PDE1C: variants seen among roughly 807,000 people sequenced by gnomAD.
The protein encoded by PDE1C is dual specificity calcium/calmodulin-dependent 3',5'-cyclic nucleotide phosphodiesterase 1C.
PDE1C carries 62 observed loss-of-function variants against 93.1 expected under a neutral mutation model. The observed-to-expected ratio is 0.67, with a 90% confidence interval of 0.54 to 0.82. The LOEUF (loss-of-function observed/expected upper bound fraction) is 0.82, where lower values mean the gene tolerates loss of function less well. Among genes scored for constraint, PDE1C ranks in the 40% least tolerant of loss-of-function variants. The pLI, the probability that PDE1C is intolerant of heterozygous loss-of-function variation, is 0.00. For synonymous variants in PDE1C, 325 were observed against 310.1 expected, an observed-to-expected ratio of 1.05 and a Z score of -0.50; for missense variants, 742 against 884.6, an observed-to-expected ratio of 0.84 and a Z score of 2.04.
intron 2 of PDE1C, among the ~76,000 whole-genome samples, chr7:32,021,512 G>A (rs1298164918): frequency 6.6e-6 from 1 of 152,078 alleles, no homozygotes; most frequent in Non-Finnish European, 1.5e-5. Context: ...CTCAGTCATA[G>A]AACAATTTAC....
intron 2 of PDE1C, among the ~76,000 whole-genome samples, chr7:32,200,200 C>T (rs1804909164): frequency 6.6e-6 from 1 of 152,120 alleles, no homozygotes; most frequent in Admixed American, 6.5e-5. Flanking sequence ...ACTGCTGCCT[C>T]TTATAGGTTT....
intron 1 of PDE1C, among the ~76,000 whole-genome samples, chr7:32,270,448 G>C (rs983345403): frequency 1.3e-5 from 2 of 152,192 alleles, no homozygotes; most frequent in Non-Finnish European, 1.5e-5. Flanking sequence ...AATATAAAAG[G>C]CTTCTCAGGA....
chr7:31,698,800 A>G, the PDE1C span, among the ~76,000 whole-genome samples: 7 of 152,214 alleles, frequency 4.6e-5, no homozygotes, highest in African/African-American at 1.7e-4. Context: ...TAGATTTCCA[A>G]GGTGCACAGG....
At chr7:32,301,521 C>T (rs543737716), upstream of PDE1C, among the ~76,000 whole-genome samples, 28 of 152,258 alleles carry the variant, frequency 1.8e-4, no homozygotes, top group Admixed American at 1.5e-3. Context: ...ACTGCTTCTC[C>T]CCAGAATCAT....
At position 32,298,981 on chromosome 7, in the gene PDE1C, C is replaced by A. The variant is rs867909898; in HGVS notation, c.-246G>T. On this transcript the variant is annotated 5_prime_UTR_variant, in exon 1 of 19. Transcript: ENST00000396193. ...CCGTCGCGACTGCCCCATCTCCAAGCCGAGTTCCAGAGGCGGCGAGAGGAG... is the reference window on the plus strand; with the variant it reads ...CCGTCGCGACTGCCCCATCTCCAAGACGAGTTCCAGAGGCGGCGAGAGGAG... The A allele has an allele frequency of 4.5e-5, 58 of 1,283,980 alleles. 4 individuals carry two copies. The Middle Eastern group carries it at 9.1e-4, about 20-fold the overall frequency. The allele number at this position is 1,283,980 out of a possible 1,614,324, so 79.5% of individuals were successfully genotyped here.
chr7:31,622,154 T>C, the PDE1C span, among the ~76,000 whole-genome samples: 2 of 135,702 alleles, frequency 1.5e-5, no homozygotes, highest in Non-Finnish European at 3.2e-5. Flanking sequence ...ACATTAATAA[T>C]GGGAGACTTT....
At chr7:31,702,535 C>T in the PDE1C span, among the ~76,000 whole-genome samples, 13 of 152,318 alleles carry the variant, frequency 8.5e-5, no homozygotes, top group Admixed American at 8.5e-4. Context: ...TATCAGACCC[C>T]TTCAGGTCCA....
At chr7:32,336,633 G>C (rs757431129) in intron 1 of PDE1C, among the ~76,000 whole-genome samples, 1 of 152,132 alleles carries the variant, frequency 6.6e-6, no homozygotes, top group Non-Finnish European at 1.5e-5. Context: ...CATAGAACAA[G>C]TTCCAAAACC....
intron 1 of PDE1C, among the ~76,000 whole-genome samples, chr7:32,064,327 C>T (rs1423147776): frequency 6.6e-6 from 1 of 152,184 alleles, no homozygotes; most frequent in African/African-American, 2.4e-5. Context: ...TCCTAGCCTG[C>T]TCTTATCTCC....
chr7:32,044,620 AT>A (rs1792277039), intron 2 of PDE1C, among the ~76,000 whole-genome samples: 2 of 152,198 alleles, frequency 1.3e-5, no homozygotes, highest in Non-Finnish European at 2.9e-5. Flanking sequence ...GAGACAGGTG[AT>A]GAGACTGGAC....
At chr7:31,623,773 C>T in the PDE1C span, among the ~76,000 whole-genome samples, 3 of 150,954 alleles carry the variant, frequency 2.0e-5, no homozygotes, top group Non-Finnish European at 2.9e-5. Flanking sequence ...CTGGCCAGGG[C>T]AATTAGGCAG....
chr7:31,961,828 C>T (rs981102160), intron 2 of PDE1C, among the ~76,000 whole-genome samples: 1 of 152,164 alleles, frequency 6.6e-6, no homozygotes, highest in South Asian at 2.1e-4. Context: ...AAAAATATCT[C>T]CAGAAACCAT....
At chr7:32,354,832 T>A (rs1320041338) in intron 1 of PDE1C, among the ~76,000 whole-genome samples, 2 of 152,238 alleles carry the variant, frequency 1.3e-5, no homozygotes, top group African/African-American at 4.8e-5. Flanking sequence ...GTACAAAAGA[T>A]GAAACACTTG....
chr7:32,171,598 T>A (rs1385492700), intron 2 of PDE1C, among the ~76,000 whole-genome samples: 1 of 150,842 alleles, frequency 6.6e-6, no homozygotes, highest in African/African-American at 2.4e-5. Context: ...ATTATTATTT[T>A]ACTTAATGTT....
chr7:32,359,749 C>T (rs185834153), intron 1 of PDE1C, among the ~76,000 whole-genome samples: 39 of 152,308 alleles, frequency 2.6e-4, no homozygotes, highest in African/African-American at 8.7e-4. Flanking sequence ...CTACTCCATT[C>T]GGCTCAATTT....
the PDE1C span, among the ~76,000 whole-genome samples, chr7:31,674,478 C>T: frequency 6.6e-6 from 1 of 152,020 alleles, no homozygotes; most frequent in Non-Finnish European, 1.5e-5. Flanking sequence ...TAAAACACTT[C>T]TGAAGAAGAT....
chr7:32,324,395 G>A (rs1053163374), intron 1 of PDE1C, among the ~76,000 whole-genome samples: 2 of 152,150 alleles, frequency 1.3e-5, no homozygotes, highest in Non-Finnish European at 2.9e-5. Flanking sequence ...CCCAGTCGGA[G>A]GACCCCACTT....
rs374987538 is a variant in PDE1C, at chr7:31,790,412, T to G, written c.1892-14680A>C. 1.4e-4 allele frequency among the ~76,000 whole-genome samples: 21 copies of G among 152,314 alleles called. No individual in the cohort carries two copies. The East Asian group carries it at 3.5e-3, about 25-fold the overall frequency. On this transcript the variant is annotated intron_variant, in intron 16 of 17. Coordinates refer to ENST00000396191, the MANE Select transcript of PDE1C (RefSeq NM_001191057.4). The stretch of plus-strand genomic sequence containing the variant: ...CCATACTGGTCATTGCTGTCTCCCT[T>G]GTAACAAGATTTGTTCTATTCATAA...
At chr7:32,072,819 G>C (rs966363340), upstream of PDE1C, among the ~76,000 whole-genome samples, 1 of 152,158 alleles carries the variant, frequency 6.6e-6, no homozygotes, top group African/African-American at 2.4e-5. Context: ...CAGAGTTTGA[G>C]TTATGGCTGA....
Sources: allele counts gnomAD v4.1 joint callset (sites outside exome capture counted in the v4.1 genomes callset), GRCh38; gene constraint gnomAD v4.1.1; transcripts MANE v1.5; gene names NCBI Gene and HGNC (gene_info 2026-07-23, HGNC 2026-07-21).